The following LHFPL3 variants were observed in gnomAD, a reference collection of about 807,000 sequenced individuals.
LHFPL3 encodes the protein LHFPL tetraspan subfamily member 3.
A neutral mutation model predicts 19.3 loss-of-function variants in LHFPL3; 5 were observed. The observed-to-expected ratio is 0.26, with a 90% CI of 0.14 to 0.54. The LOEUF (loss-of-function observed/expected upper bound fraction) is 0.54. Ranked by LOEUF, LHFPL3 falls within the 20% of genes least tolerant of loss-of-function variation. The pLI, the probability that LHFPL3 is intolerant of heterozygous loss-of-function variation, is 0.94. For synonymous variants in LHFPL3, 133 were observed against 126.2 expected (o/e 1.05, Z -0.36); for missense variants, 249 against 307.4 (o/e 0.81, Z 1.42).
At chr7:104,344,302 G>T (rs1226154145) in intron 1 of LHFPL3, among the ~76,000 whole-genome samples, 2 of 152,018 alleles carry the variant, frequency 1.3e-5, no homozygotes, top group East Asian at 3.9e-4. Flanking sequence ...GCAAATGGTT[G>T]TTGGTAACCT....
At chr7:104,561,311 G>C (rs1303829524) in intron 1 of LHFPL3, among the ~76,000 whole-genome samples, 1 of 149,392 alleles carries the variant, frequency 6.7e-6, no homozygotes, top group African/African-American at 2.6e-5. Context: ...TAATGTGTGG[G>C]AGTCTAAGTC....
chr7:104,386,083 C>T (rs1790937183), intron 1 of LHFPL3, among the ~76,000 whole-genome samples: 2 of 152,128 alleles, frequency 1.3e-5, no homozygotes, highest in Non-Finnish European at 2.9e-5. Flanking sequence ...TATTCCCATC[C>T]TCCTCCCCCA....
At chr7:104,382,118 T>C (rs564894745) in intron 1 of LHFPL3, among the ~76,000 whole-genome samples, 1 of 152,290 alleles carries the variant, frequency 6.6e-6, no homozygotes, top group African/African-American at 2.4e-5. Flanking sequence ...TCCAGGCACA[T>C]GGATGCAGAG....
At chr7:104,751,787 C>T (rs1224643892) in intron 2 of LHFPL3, among the ~76,000 whole-genome samples, 2 of 152,080 alleles carry the variant, frequency 1.3e-5, no homozygotes, top group African/African-American at 4.8e-5. Context: ...GAGAGGCTCT[C>T]CCTCTTGGGC....
intron 1 of LHFPL3, among the ~76,000 whole-genome samples, chr7:104,630,341 A>C (rs901468902): frequency 2.0e-5 from 3 of 152,210 alleles, no homozygotes; most frequent in Non-Finnish European, 4.4e-5. Flanking sequence ...ACTGGTTTAC[A>C]GAAGGAAATA....
At chr7:104,452,843 T>G (rs996427618) in intron 1 of LHFPL3, among the ~76,000 whole-genome samples, 1 of 152,184 alleles carries the variant, frequency 6.6e-6, no homozygotes, top group African/African-American at 2.4e-5. Context: ...TGTAAACAAC[T>G]TAAAAGTCCA....
At chr7:104,878,065 G>T (rs1169293061) in intron 2 of LHFPL3, among the ~76,000 whole-genome samples, 1 of 151,988 alleles carries the variant, frequency 6.6e-6, no homozygotes, top group Non-Finnish European at 1.5e-5. Context: ...TAACTCCTGA[G>T]CTCAGGCAAT....
chr7:104,441,006 A>T (rs1206996683), intron 1 of LHFPL3, among the ~76,000 whole-genome samples: 1 of 152,078 alleles, frequency 6.6e-6, no homozygotes, highest in African/African-American at 2.4e-5. Context: ...AAGTTTCCTC[A>T]TGCCTCTTTC....
chr7:104,660,527 G>A lies in LHFPL3; in HGVS notation c.446-76148G>A, dbSNP rs575603150. Among the ~76,000 whole-genome samples, 7 of 152,354 alleles carry A rather than the reference G, an allele frequency of 4.6e-5. No individual in the cohort carries two copies. The South Asian group carries it at 1.5e-3, about 32-fold the overall frequency. On this transcript the variant is annotated intron_variant, in intron 1 of 2. Coordinates refer to ENST00000424859, the MANE Select transcript of LHFPL3 (RefSeq NM_199000.3). ...TGTCTATTTCTATCAAGTGGATGCA[G>A]GAGTTACCTTTAGCAGAAGGTACAT...
rs80296353 is a variant in LHFPL3, at chr7:104,627,406, G to T, written c.446-109269G>T. ...ATGCTTAGGTTGATTCTATACCTTG[G>T]CTATTGACATTACCTGTTGTTCTTT... On this transcript the variant is annotated intron_variant, in intron 1 of 2. Transcript: ENST00000424859. 6.1e-3 allele frequency among the ~76,000 whole-genome samples: 934 copies of T among 152,108 alleles called. 16 individuals carry two copies. Among genetic ancestry groups the T allele is most frequent in the African/African-American group, 0.022 (906 of 41,506 alleles).
At chr7:104,588,591 G>A (rs1480739096) in intron 1 of LHFPL3, among the ~76,000 whole-genome samples, 1 of 152,162 alleles carries the variant, frequency 6.6e-6, no homozygotes, top group Non-Finnish European at 1.5e-5. Context: ...GATTGACTTG[G>A]CAATGCAGGC....
At chr7:104,894,866 G>C (rs1404800133) in intron 2 of LHFPL3, 2 of 152,174 alleles carry the variant, frequency 1.3e-5, no homozygotes, top group African/African-American at 2.4e-5. Context: ...GCCACATCTA[G>C]GAAGTAGCCA....
intron 1 of LHFPL3, among the ~76,000 whole-genome samples, chr7:104,344,606 A>T (rs1790028787): frequency 6.6e-6 from 1 of 152,352 alleles, no homozygotes; most frequent in Admixed American, 6.5e-5. Flanking sequence ...ATTCTTTTTT[A>T]TGGCTGAATA....
chr7:104,773,581 G>T (rs1794595487), intron 2 of LHFPL3, among the ~76,000 whole-genome samples: 1 of 152,176 alleles, frequency 6.6e-6, no homozygotes, highest in South Asian at 2.1e-4. Context: ...TTTAACTCCA[G>T]TATCTCAGAA....
chr7:104,867,980 T>C (rs1462578392), intron 2 of LHFPL3, among the ~76,000 whole-genome samples: 2 of 152,054 alleles, frequency 1.3e-5, no homozygotes, highest in Non-Finnish European at 2.9e-5. Context: ...ACAAAAACCA[T>C]ATGATTATCT....
At chr7:104,650,936 A>G (rs1792021935) in intron 1 of LHFPL3, among the ~76,000 whole-genome samples, 1 of 152,242 alleles carries the variant, frequency 6.6e-6, no homozygotes. Context: ...ATCAGACTCA[A>G]CAGTGACTTG....
intron 1 of LHFPL3, among the ~76,000 whole-genome samples, chr7:104,382,022 C>T (rs531683458): frequency 3.9e-5 from 6 of 152,246 alleles, no homozygotes; most frequent in African/African-American, 1.4e-4. Flanking sequence ...CTCTGTGTGC[C>T]CTTAACACTC....
chr7:104,474,008 T>C (rs1792958757), intron 1 of LHFPL3, among the ~76,000 whole-genome samples: 1 of 152,196 alleles, frequency 6.6e-6, no homozygotes, highest in Non-Finnish European at 1.5e-5. Context: ...ATGTGTATTA[T>C]TTAAACACAA....
chr7:104,894,051 G>A lies in LHFPL3; in HGVS notation c.683-12136G>A, dbSNP rs536124671. On this transcript the variant is annotated intron_variant, in intron 2 of 2. Coordinates refer to ENST00000424859, the MANE Select transcript of LHFPL3 (RefSeq NM_199000.3). ...TGTGCACAGCAGAGAAAGAAGTAGA[G>A]TAATAGGCAAGACCATATCAAGACT... is the stretch of plus-strand genomic sequence containing the variant. 3.3e-5 allele frequency among the ~76,000 whole-genome samples: 5 copies of A among 152,168 alleles called. No homozygotes were observed. In the South Asian group the frequency reaches 1.0e-3, roughly 32 times the overall value.
Sources: gnomAD v4.1 joint callset for allele counts (sites outside exome capture counted in the v4.1 genomes callset) on GRCh38, gnomAD v4.1.1 for gene constraint, MANE v1.5 for transcripts, NCBI Gene and HGNC (gene_info 2026-07-23, HGNC 2026-07-21) for gene names.